The following EPHA2 variants were observed in gnomAD, a reference collection of about 807,000 sequenced individuals.
The protein encoded by EPHA2 is ephrin type-A receptor 2.
Under a neutral mutation model 104.9 loss-of-function variants are expected in EPHA2, and 54 were observed. The ratio of observed to expected loss-of-function variants is 0.51; its 90% CI spans 0.41 to 0.65. The LOEUF is 0.65. EPHA2 is among the 30% of genes least tolerant of loss of function. EPHA2 has a pLI of 0.00. For missense variants in EPHA2, 1,117 were observed against 1,369.5 expected (o/e 0.82, Z 2.91); for synonymous variants, 560 against 559.1 (o/e 1.00, Z -0.02).
In EPHA2 at chr1:16,130,544, G is replaced by T; in HGVS notation, c.2476-125C>A. The T allele has an allele frequency of 1.0e-6, 1 of 983,344 alleles. No homozygotes were observed. The highest frequency in any genetic ancestry group is 1.4e-6 in the Non-Finnish European group (1 of 700,208). 60.9% of individuals were successfully genotyped at this position (983,344 alleles called of 1,614,324 possible). On this transcript the variant is annotated intron_variant, in intron 14 of 16. Transcript: ENST00000358432. The surrounding 1 kb of genome is among the most constrained non-coding windows in gnomAD (Gnocchi z 4.5). ...GGAACATCCCAGAAACAGACAGGAA[G>T]GGCCTTTCTTGAGCTGCCACCCAAC... is the stretch of plus-strand genomic sequence containing the variant.
intron 1 of EPHA2, among the ~76,000 whole-genome samples, chr1:16,152,682 C>G (rs999754509): frequency 1.3e-5 from 2 of 152,170 alleles, no homozygotes; most frequent in East Asian, 3.9e-4. Flanking sequence ...CTGCAGCCCC[C>G]CCTTAGATTG....
In EPHA2 at chr1:16,148,386, G is replaced by T; in HGVS notation, c.815C>A (p.Ala272Asp). The change falls in exon 3 of 17, where the codon GCC becomes GAC. Residue 272 changes from alanine to aspartate, a missense_variant. This residue lies in a region of EPHA2 where 664 missense variants were observed against 784.8 expected (regional missense o/e 0.85). Coordinates refer to ENST00000358432, the MANE Select transcript of EPHA2 (RefSeq NM_004431.5). The surrounding 1 kb of genome is among the most constrained non-coding windows in gnomAD (Gnocchi z 4.9). ...CCAGAACCGTCACTCACCCTGGCAG[G>T]CATCCTCCACCTTCTCGTAGCCTGC... ...CQAGYEKVED[A>D]CQACSPGFFK... 6.2e-7 allele frequency: 1 copy of T among 1,613,586 alleles called. No individual in the cohort carries two copies. The highest frequency in any genetic ancestry group is 1.3e-5 in the African/African-American group (1 of 75,044).
chr1:16,125,118 T>G lies in EPHA2; in HGVS notation c.*97A>C. On this transcript the variant is annotated 3_prime_UTR_variant, in exon 17 of 17. Transcript: ENST00000358432. This position sits in a 1 kb window ranked among gnomAD's most constrained non-coding sequence, Gnocchi z 4.9. ...TGCAGGGGGAGGAAAGAACTAGAAA[T>G]AAATAAAGTCCCCAGTGGCCCAGCA... 1.7e-6 allele frequency: 2 copies of G among 1,151,460 alleles called. No individual in the cohort carries two copies. Among genetic ancestry groups the G allele is most frequent in the South Asian group, 1.3e-5 (1 of 76,282 alleles). 71.3% of individuals were successfully genotyped at this position (1,151,460 alleles called of 1,614,324 possible).
rs2124264379 is a variant in EPHA2 at position 16,148,985 on chromosome 1, C to T, written c.216G>A (p.Val72=). The T allele has an allele frequency of 6.2e-7, 1 of 1,614,090 alleles. No individual in the cohort carries two copies. ...MPIYMYSVCN[V]MSGDQDNWLR... ...GCCAGTTGTCCTGGTCGCCAGACAT[C>T]ACGTTGCACACGGAGTACATGTAGA... Residue 72 remains valine (V), a synonymous_variant, in exon 3 of 17, where the codon GTG becomes GTA. Transcript: ENST00000358432. This position sits in a 1 kb window ranked among gnomAD's most constrained non-coding sequence, Gnocchi z 4.9.
rs187863622 is a variant in EPHA2, at chr1:16,128,345, G to A, written c.2825+1089C>T. On this transcript the variant is annotated intron_variant, in intron 16 of 16. Coordinates refer to ENST00000358432, the MANE Select transcript of EPHA2 (RefSeq NM_004431.5). This position sits in a 1 kb window ranked among gnomAD's most constrained non-coding sequence, Gnocchi z 4.7. ...CCCCGCCTCCCCTCTGGTCGGCTCT[G>A]TTCCTGCCTGCTTCCCATCACCGAC... Among the ~76,000 whole-genome samples, 1,187 of 152,346 alleles carry A rather than the reference G, an allele frequency of 7.8e-3. 20 individuals are homozygous for A. The highest frequency in any genetic ancestry group is 0.028 in the African/African-American group (1,152 of 41,580).
chr1:16,132,454 G>T lies in EPHA2; in HGVS notation c.2054-15C>A. On this transcript the variant is annotated splice_polypyrimidine_tract_variant and intron_variant, in intron 11 of 16. Coordinates refer to ENST00000358432, the MANE Select transcript of EPHA2 (RefSeq NM_004431.5). ...CATGGGCTTGTCTGTAGGGGGGTGG[G>T]CACAGGTGAGAGGTAAGTGGGCCCA... is the stretch of plus-strand genomic sequence containing the variant. 1 of 1,613,568 alleles carries T rather than the reference G, an allele frequency of 6.2e-7. No homozygotes were observed. The highest frequency in any genetic ancestry group is 1.1e-5 in the South Asian group (1 of 91,056).
chr1:16,133,419 G>T (rs762844019), intron 10 of EPHA2, 51 bp from the exon 11 acceptor site: 1 of 1,613,876 alleles, frequency 6.2e-7, no homozygotes, highest in East Asian at 2.2e-5. Flanking sequence ...CGGCATGAGG[G>T]CTCCCACACT....
In EPHA2 at chr1:16,131,269, C is replaced by T. The variant is rs527281129; in HGVS notation, c.2475+452G>A. Among the ~76,000 whole-genome samples, 12 of 152,256 alleles carry T rather than the reference C, an allele frequency of 7.9e-5. No homozygotes were observed. Among genetic ancestry groups the T allele is most frequent in the South Asian group, 2.1e-4 (1 of 4,826 alleles). On this transcript the variant is annotated intron_variant, in intron 14 of 16. Coordinates refer to ENST00000358432, the MANE Select transcript of EPHA2 (RefSeq NM_004431.5). This position sits in a 1 kb window ranked among gnomAD's most constrained non-coding sequence, Gnocchi z 5.2. ...CTGGAACCCAGCACAAGGCCTGGCACGCAGTAGATCCTCAAGAAATATTTA... is the reference window on the plus strand; with the variant it reads ...CTGGAACCCAGCACAAGGCCTGGCATGCAGTAGATCCTCAAGAAATATTTA...
At chr1:16,127,898 G>C (rs1034742062) in intron 16 of EPHA2, among the ~76,000 whole-genome samples, 2 of 152,194 alleles carry the variant, frequency 1.3e-5, no homozygotes, top group Non-Finnish European at 2.9e-5. Context: ...GAGCACCCTG[G>C]GCTATTTAGG....
chr1:16,126,655 A>C (rs1183772675), intron 16 of EPHA2, among the ~76,000 whole-genome samples: 1 of 152,222 alleles, frequency 6.6e-6, no homozygotes, highest in East Asian at 1.9e-4. Context: ...AAGGTCTCAA[A>C]TTGTGGTCCC....
At chr1:16,136,602 A>G (rs2024689497) in intron 5 of EPHA2, among the ~76,000 whole-genome samples, 1 of 148,404 alleles carries the variant, frequency 6.7e-6, no homozygotes, top group African/African-American at 2.5e-5. Flanking sequence ...CTGGGCAACA[A>G]GAGCAAAACT....
intron 4 of EPHA2, 41 bp from the exon 5 acceptor site, chr1:16,138,226 C>T (rs768623127): frequency 1.8e-5 from 29 of 1,611,862 alleles, no homozygotes; most frequent in East Asian, 8.9e-5. Context: ...TGGACCCAGG[C>T]GGACACGTCA....
rs766576680 is a variant in EPHA2, at chr1:16,148,592, C to T, written c.609G>A (p.Glu203=). 6.2e-7 allele frequency: 1 copy of T among 1,610,424 alleles called. No individual in the cohort carries two copies. The highest frequency in any genetic ancestry group is 1.3e-5 in the African/African-American group (1 of 74,952). Residue 203 remains glutamate (E), a synonymous_variant, in exon 3 of 17, where the codon GAG becomes GAA. Coordinates refer to ENST00000358432, the MANE Select transcript of EPHA2 (RefSeq NM_004431.5). This position sits in a 1 kb window ranked among gnomAD's most constrained non-coding sequence, Gnocchi z 4.9. Reference sequence around the variant, plus strand: ...GGAAGTGGGCCAGGCCCTGCAGCAGCTCGGGGCACTTCTTGTAGTAGACAC... The same window carrying T: ...GGAAGTGGGCCAGGCCCTGCAGCAGTTCGGGGCACTTCTTGTAGTAGACAC... The part of the protein sequence containing the change: ...SVRVYYKKCP[E]LLQGLAHFPE...
Position 16,150,817 on chromosome 1 carries a change from T to C in EPHA2, c.153+79A>G. The C allele has an allele frequency of 6.6e-7, 1 of 1,516,496 alleles. No homozygotes were observed. Among genetic ancestry groups the C allele is most frequent in the Non-Finnish European group, 9.2e-7 (1 of 1,092,580 alleles). The allele number at this position is 1,516,496 out of a possible 1,614,324, so 93.9% of individuals were successfully genotyped here. A position where few individuals can be genotyped will look rare whatever the true frequency, so the allele number is the denominator to read the frequency against. Reference sequence around the variant, plus strand: ...AATTGAAGCCAGGCCCCACGCTCCCTGGGCCTCAGTTTCTCCATCTCTACA... The same window carrying C: ...AATTGAAGCCAGGCCCCACGCTCCCCGGGCCTCAGTTTCTCCATCTCTACA... On this transcript the variant is annotated intron_variant, in intron 2 of 16. Transcript: ENST00000358432. The surrounding 1 kb of genome is among the most constrained non-coding windows in gnomAD (Gnocchi z 4.8).
At chr1:16,153,295 C>T (rs1056667364) in intron 1 of EPHA2, 2 of 985,320 alleles carry the variant, frequency 2.0e-6, no homozygotes, top group African/African-American at 3.5e-5. Flanking sequence ...GGTTCCCTCC[C>T]CGCTTCCCCC....
At position 16,130,132 on chromosome 1, in the gene EPHA2, A is replaced by C. The variant is rs1570396441; in HGVS notation, c.2669+94T>G. ...CCTCTTAGCCCCCAGCACCCCCCCT[A>C]CCAGCTTCACCTGGGTGGCCACTCT... On this transcript the variant is annotated intron_variant, in intron 15 of 16. Transcript: ENST00000358432. This position sits in a 1 kb window ranked among gnomAD's most constrained non-coding sequence, Gnocchi z 4.5. The C allele has an allele frequency of 1.3e-6, 2 of 1,543,558 alleles. No homozygotes were observed. The highest frequency in any genetic ancestry group is 1.8e-6 in the Non-Finnish European group (2 of 1,119,870).
At chr1:16,127,920 G>A (rs183288716) in intron 16 of EPHA2, among the ~76,000 whole-genome samples, 1 of 152,352 alleles carries the variant, frequency 6.6e-6, no homozygotes, top group East Asian at 1.9e-4. Context: ...AAGCTTCTAA[G>A]AACATGTGTT....
At chr1:16,140,022 G>A (rs985984059) in intron 3 of EPHA2, among the ~76,000 whole-genome samples, 2 of 152,218 alleles carry the variant, frequency 1.3e-5, no homozygotes, top group Non-Finnish European at 2.9e-5. Context: ...CTAACTCTCA[G>A]GGACAGAATC....
rs373447361 is a variant in EPHA2, at chr1:16,138,036, C to T, written c.1129G>A (p.Gly377Arg). Residue 377 changes from glycine (G) to arginine (R), a missense_variant, in exon 5 of 17, where the codon GGG (glycine) becomes AGG (arginine). Gly to Arg is a moderately radical substitution (Grantham distance 125, BLOSUM62 -2). Coordinates refer to ENST00000358432, the MANE Select transcript of EPHA2 (RefSeq NM_004431.5). Reference sequence around the variant, plus strand: ...TAGCGCACACTGGCCTCACACGGCCCGCATTCCCCAGACTCGGGCCAGCAC... The same window carrying T: ...TAGCGCACACTGGCCTCACACGGCCTGCATTCCCCAGACTCGGGCCAGCAC... ...EQCWPESGEC[G>R]PCEASVRYSE... 1.9e-5 allele frequency: 31 copies of T among 1,613,338 alleles called. No individual in the cohort carries two copies. In the African/African-American group the frequency reaches 2.1e-4, roughly 11 times the overall value.
Sources: gnomAD v4.1 joint callset for allele counts (sites outside exome capture counted in the v4.1 genomes callset) on GRCh38, gnomAD v4.1.1 for gene constraint, gnomAD v4.1.1 regional missense constraint, Gnocchi (gnomAD v3.1) non-coding constraint, MANE v1.5 for transcripts, NCBI Gene and HGNC (gene_info 2026-07-23, HGNC 2026-07-21) for gene names.